Variants in ADGRG5 observed in about 807,000 individuals in gnomAD.
ADGRG5 encodes the protein G protein-coupled receptor 114.
ADGRG5 carries 37 observed loss-of-function variants against 53.2 expected under a neutral mutation model. The observed-to-expected ratio is 0.70, with a 90% CI of 0.53 to 0.91. ADGRG5 has a LOEUF of 0.91. ADGRG5 is among the 40% of genes least tolerant of loss of function. The pLI is 0.00. For missense variants in ADGRG5, 614 were observed against 675.8 expected (o/e 0.91, Z 1.01); for synonymous variants, 277 against 290.4 (o/e 0.95, Z 0.47).
At chr16:57,548,589 A>G (rs1318415425) in intron 1 of ADGRG5, among the ~76,000 whole-genome samples, 9 of 152,156 alleles carry the variant, frequency 5.9e-5, no homozygotes, top group African/African-American at 2.2e-4. Context: ...CTTGTGCGAG[A>G]CCTTTAAAGA....
At chr16:57,531,264 G>GAGAGAAGGCACTTCCTCACTCCTTCC in the ADGRG5 span, among the ~76,000 whole-genome samples, 39 of 150,432 alleles carry the variant, frequency 2.6e-4, no homozygotes, top group African/African-American at 5.6e-4. Context: ...GTGCTCCTCC[G>GAGAGAAGGCACTTCCTCACTCCTTCC]AGAGAAGGCA....
chr16:57,539,817 C>CGT (rs1485689091), upstream of ADGRG5, among the ~76,000 whole-genome samples: 2 of 151,072 alleles, frequency 1.3e-5, no homozygotes, highest in African/African-American at 4.9e-5. Context: ...TGTGTGTGTG[C>CGT]GTGTATATAT....
At chr16:57,529,328 C>A in the ADGRG5 span, 71 of 1,066,052 alleles carry the variant, frequency 6.7e-5, no homozygotes, top group Non-Finnish European at 7.9e-5. The surrounding 1 kb of genome is among the most constrained non-coding windows in gnomAD (Gnocchi z 4.1). Context: ...CTCGGACCTA[C>A]GGGAGAACAC....
chr16:57,529,375 G>T, the ADGRG5 span: 2 of 594,670 alleles, frequency 3.4e-6, no homozygotes, highest in East Asian at 6.9e-5. The surrounding 1 kb of genome is among the most constrained non-coding windows in gnomAD (Gnocchi z 4.1). Flanking sequence ...CAGTCTCGAA[G>T]ATCAGCCGCG....
In ADGRG5 at chr16:57,576,885, G is replaced by GA. The variant is rs2033532075; in HGVS notation, c.*1351dup. 6.6e-6 allele frequency: 1 copy of GA among 152,226 alleles called. No homozygotes were observed. Among genetic ancestry groups the GA allele is most frequent in the Non-Finnish European group, 1.5e-5 (1 of 68,054 alleles). 9.4% of individuals were successfully genotyped at this position (152,226 alleles called of 1,614,324 possible). ...TTGATGACCTCGAAGGTCACAGGCAGAAAATAGGAGCAGGATTTCCCCTGG... is the reference window on the plus strand; with the variant it reads ...TTGATGACCTCGAAGGTCACAGGCAGAAAAATAGGAGCAGGATTTCCCCTGG... On this transcript the variant is annotated 3_prime_UTR_variant, in exon 12 of 12. Coordinates refer to ENST00000349457, the MANE Select transcript of ADGRG5 (RefSeq NM_001304376.3).
rs531942527 is a variant in ADGRG5 at position 57,563,008 on chromosome 16, G to T, written c.141-83G>T. ...ACAGAGGTGTGGGTGGGGAGGCCCT[G>T]CCCTCCCAGGCTGTCTACAGCCCCC... is the stretch of plus-strand genomic sequence containing the variant. On this transcript the variant is annotated intron_variant, in intron 3 of 11. Transcript: ENST00000349457. 1.6e-4 allele frequency: 229 copies of T among 1,439,148 alleles called. 1 individual carries two copies. In the South Asian group the frequency reaches 2.0e-3, roughly 12 times the overall value. 89.1% of individuals were successfully genotyped at this position (1,439,148 alleles called of 1,614,324 possible).
At chr16:57,546,477 C>T (rs2032623500) in intron 1 of ADGRG5, among the ~76,000 whole-genome samples, 1 of 152,164 alleles carries the variant, frequency 6.6e-6, no homozygotes, top group South Asian at 2.1e-4. Context: ...TTTCTAGAAA[C>T]TTTTACATAA....
intron 1 of ADGRG5, among the ~76,000 whole-genome samples, chr16:57,550,513 T>A (rs995297896): frequency 6.6e-6 from 1 of 152,226 alleles, no homozygotes; most frequent in Non-Finnish European, 1.5e-5. Context: ...ATTCAACTTA[T>A]CAGTTTTTTG....
At chr16:57,570,293 C>T (rs2033312391) in intron 9 of ADGRG5, 125 bp from the exon 10 acceptor site, 1 of 610,988 alleles carries the variant, frequency 1.6e-6, no homozygotes, top group Non-Finnish European at 2.9e-6. Flanking sequence ...GTTGGGGGCT[C>T]ACAACAGTCT....
rs746048304 is a variant in ADGRG5, at chr16:57,563,139, C to T, written c.189C>T (p.Gly63=). ...TGCTACTGAACACCAGCTTCCCAGG[C>T]TACAACCTGACCTTGCAGACACCCA... ...EQMLLNTSFP[G]YNLTLQTPTI... Residue 63 remains glycine (G), a synonymous_variant, in exon 4 of 12, where the codon GGC becomes GGT. Transcript: ENST00000349457. 6.2e-7 allele frequency: 1 copy of T among 1,614,174 alleles called. No homozygotes were observed. Among genetic ancestry groups the T allele is most frequent in the African/African-American group, 1.3e-5 (1 of 75,056 alleles).
At chr16:57,567,758 C>T (rs1404687627) in intron 8 of ADGRG5, 98 bp from the exon 9 acceptor site, 31 of 1,454,884 alleles carry the variant, frequency 2.1e-5, no homozygotes, top group Admixed American at 1.2e-4. Context: ...GCCCCTTCTT[C>T]GCCTCAGTTT....
the ADGRG5 span, chr16:57,529,165 G>C: frequency 3.4e-6 from 4 of 1,184,206 alleles, no homozygotes; most frequent in East Asian, 1.5e-4. The surrounding 1 kb of genome is among the most constrained non-coding windows in gnomAD (Gnocchi z 4.1). Context: ...CGGGGGCTGG[G>C]CCCGTGGCTC....
chr16:57,534,226 C>G, the ADGRG5 span, among the ~76,000 whole-genome samples: 1 of 152,186 alleles, frequency 6.6e-6, no homozygotes, highest in Non-Finnish European at 1.5e-5. Context: ...TGCCATCTCT[C>G]TTCTGGCAGT....
chr16:57,571,502 A>G (rs2146834744), intron 10 of ADGRG5, among the ~76,000 whole-genome samples: 1 of 152,290 alleles, frequency 6.6e-6, no homozygotes, highest in East Asian at 1.9e-4. Flanking sequence ...CGGGTGTATC[A>G]GAGGACATGT....
rs1407752143 is a variant in ADGRG5 at position 57,577,094 on chromosome 16, C to G, written c.*1556C>G. 2 of 152,196 alleles carry G rather than the reference C, an allele frequency of 1.3e-5. No homozygotes were observed. The highest frequency in any genetic ancestry group is 4.8e-5 in the African/African-American group (2 of 41,440). 9.4% of individuals were successfully genotyped at this position (152,196 alleles called of 1,614,324 possible). A position where few individuals can be genotyped will look rare whatever the true frequency, so the allele number is the denominator to read the frequency against. On this transcript the variant is annotated 3_prime_UTR_variant, in exon 12 of 12. Coordinates refer to ENST00000349457, the MANE Select transcript of ADGRG5 (RefSeq NM_001304376.3). ...TCAGCCTCTGTGTGCCTCAGTTTTC[C>G]TATTTGTAAAATAGAGGCCATAGTG...
At chr16:57,544,765 C>T (rs7204915) in intron 1 of ADGRG5, among the ~76,000 whole-genome samples, 2,131 of 152,156 alleles carry the variant, frequency 0.014, 46 homozygotes, top group African/African-American at 0.046. Flanking sequence ...CTCCCCAAAC[C>T]TTTCTGTTTT....
At chr16:57,535,720 T>A in the ADGRG5 span, among the ~76,000 whole-genome samples, 1 of 149,408 alleles carries the variant, frequency 6.7e-6, no homozygotes, top group African/African-American at 2.5e-5. Context: ...ATCACTGATA[T>A]GCTGTGTGAT....
intron 1 of ADGRG5, among the ~76,000 whole-genome samples, chr16:57,551,751 G>A (rs925858790): frequency 3.3e-5 from 5 of 152,214 alleles, no homozygotes; most frequent in Non-Finnish European, 5.9e-5. Flanking sequence ...ACAATCACAT[G>A]TTCTTGCAGC....
upstream of ADGRG5, among the ~76,000 whole-genome samples, chr16:57,539,820 G>GTA (rs10577278): frequency 1.6e-4 from 24 of 150,766 alleles, no homozygotes; most frequent in East Asian, 1.2e-3. Context: ...GTGTGTGCGT[G>GTA]TATATATATA....
Sources: allele counts gnomAD v4.1 joint callset (sites outside exome capture counted in the v4.1 genomes callset), GRCh38; gene constraint gnomAD v4.1.1; non-coding constraint Gnocchi (gnomAD v3.1); transcripts MANE v1.5; gene names NCBI Gene and HGNC (gene_info 2026-07-23, HGNC 2026-07-21).